The following PRMT8 variants were observed in gnomAD, a reference collection of about 807,000 sequenced individuals.
PRMT8 encodes the protein protein arginine methyltransferase 8.
A neutral mutation model predicts 47.1 loss-of-function variants in PRMT8; 7 were observed. The observed-to-expected ratio is 0.15, with a 90% CI of 0.08 to 0.28. PRMT8 has a LOEUF of 0.28. Ranked by LOEUF, PRMT8 falls within the 10% of genes least tolerant of loss-of-function variation. PRMT8 has a pLI of 1.00. For synonymous variants in PRMT8, 188 were observed against 186.5 expected (o/e 1.01, Z -0.07); for missense variants, 237 against 505.4 (o/e 0.47, Z 5.09).
chr12:3,388,899 C>T (rs1416598736), intron 1 of PRMT8, among the ~76,000 whole-genome samples: 4 of 152,194 alleles, frequency 2.6e-5, no homozygotes, highest in Admixed American at 6.5e-5. Flanking sequence ...AAGCCTGATG[C>T]GTGTCAGTCA....
chr12:3,508,144 G>T lies in PRMT8; in HGVS notation c.75+16444G>T, dbSNP rs1362952977. Among the ~76,000 whole-genome samples the T allele has an allele frequency of 1.3e-5, 2 of 151,534 alleles. No individual in the cohort carries two copies. Among genetic ancestry groups the T allele is most frequent in the Non-Finnish European group, 2.9e-5 (2 of 68,026 alleles). On this transcript the variant is annotated intron_variant, in intron 1 of 9. Coordinates refer to ENST00000382622, the MANE Select transcript of PRMT8 (RefSeq NM_019854.5). The surrounding 1 kb of genome is among the most constrained non-coding windows in gnomAD (Gnocchi z 4.9). The stretch of plus-strand genomic sequence containing the variant: ...CTTTTTCTTACTGTTACAACTTTAA[G>T]ATTTTTTTCTGCCCAGTTGTTGTTT...
At chr12:3,480,944 G>T (rs1234842975) in intron 1 of PRMT8, among the ~76,000 whole-genome samples, 1 of 152,236 alleles carries the variant, frequency 6.6e-6, no homozygotes, top group African/African-American at 2.4e-5. Context: ...AGGAAAGGCT[G>T]TTCCTCTGAG....
chr12:3,554,196 T>C (rs1030625152), intron 4 of PRMT8, among the ~76,000 whole-genome samples: 5 of 152,040 alleles, frequency 3.3e-5, no homozygotes, highest in African/African-American at 1.2e-4. Context: ...CTTTTGGGAG[T>C]GGGCCCTTCT....
chr12:3,395,126 C>A (rs1326355140), intron 1 of PRMT8, among the ~76,000 whole-genome samples: 3 of 148,456 alleles, frequency 2.0e-5, no homozygotes, highest in Non-Finnish European at 3.0e-5. Context: ...GTCTTGCTAG[C>A]GGTCTATCAA....
intron 1 of PRMT8, among the ~76,000 whole-genome samples, chr12:3,427,924 G>A (rs1255139317): frequency 1.3e-5 from 2 of 152,034 alleles, no homozygotes; most frequent in Non-Finnish European, 2.9e-5. Flanking sequence ...AAGATTAGAA[G>A]TTACTATAAT....
intron 4 of PRMT8, among the ~76,000 whole-genome samples, chr12:3,568,451 G>A (rs184311145): frequency 1.5e-4 from 23 of 152,346 alleles, no homozygotes; most frequent in African/African-American, 4.3e-4. Flanking sequence ...GAAGGATGAC[G>A]TGATACCACG....
chr12:3,551,146 A>G (rs1288259837), intron 3 of PRMT8: 2 of 133,928 alleles, frequency 1.5e-5, no homozygotes, highest in African/African-American at 5.5e-5. Flanking sequence ...TGCTGCCTCC[A>G]GAGGTCTGCT....
chr12:3,575,946 G>C (rs1168573716), intron 6 of PRMT8, among the ~76,000 whole-genome samples: 1 of 152,180 alleles, frequency 6.6e-6, no homozygotes, highest in Non-Finnish European at 1.5e-5. Context: ...TTGAGCCCAG[G>C]AGGCGGAGGT....
chr12:3,495,631 G>C (rs560283139), intron 1 of PRMT8, among the ~76,000 whole-genome samples: 2 of 152,264 alleles, frequency 1.3e-5, no homozygotes, highest in East Asian at 3.9e-4. Context: ...TTGGCTTTTT[G>C]TGTGTCTATT....
intron 1 of PRMT8, among the ~76,000 whole-genome samples, chr12:3,426,047 AG>A (rs1864600899): frequency 1.3e-5 from 2 of 152,218 alleles, no homozygotes; most frequent in East Asian, 3.9e-4. Context: ...CGCAGGGTGC[AG>A]GATTTCGGGA....
intron 7 of PRMT8, among the ~76,000 whole-genome samples, chr12:3,581,075 C>G (rs992771544): frequency 6.6e-6 from 1 of 152,170 alleles, no homozygotes; most frequent in Admixed American, 6.5e-5. Flanking sequence ...GACCTAAATG[C>G]AAGCTGAACC....
intron 2 of PRMT8, among the ~76,000 whole-genome samples, chr12:3,546,650 C>G (rs993100843): frequency 4.6e-5 from 7 of 152,058 alleles, no homozygotes; most frequent in Non-Finnish European, 8.8e-5. Context: ...CTAAAATAAC[C>G]CTTTCCTAAT....
chr12:3,577,529 C>T (rs1411210959), intron 7 of PRMT8, among the ~76,000 whole-genome samples: 3 of 152,244 alleles, frequency 2.0e-5, no homozygotes. Flanking sequence ...GAGCTTCCAG[C>T]TGCCCCTTCC....
chr12:3,593,284 C>CT lies in PRMT8; in HGVS notation c.*102_*103insT. 9.9e-7 allele frequency: 1 copy of CT among 1,013,622 alleles called. No homozygotes were observed. Among genetic ancestry groups the CT allele is most frequent in the Non-Finnish European group, 1.5e-6 (1 of 681,888 alleles). 62.8% of individuals were successfully genotyped at this position (1,013,622 alleles called of 1,614,324 possible). On this transcript the variant is annotated 3_prime_UTR_variant, in exon 10 of 10. Coordinates refer to ENST00000382622, the MANE Select transcript of PRMT8 (RefSeq NM_019854.5). This position sits in a 1 kb window ranked among gnomAD's most constrained non-coding sequence, Gnocchi z 4.8. ...GTTTGCAGGACTACACACTTGAAAA[C>CT]CAGAGTTTTCAACTCTGCCTTGAAG... is the stretch of plus-strand genomic sequence containing the variant.
At chr12:3,484,568 G>A (rs1387623425) in intron 1 of PRMT8, among the ~76,000 whole-genome samples, 1 of 152,256 alleles carries the variant, frequency 6.6e-6, no homozygotes, top group East Asian at 1.9e-4. Flanking sequence ...TGTGCCAGAT[G>A]CTTCATCTGC....
intron 1 of PRMT8, among the ~76,000 whole-genome samples, chr12:3,481,823 C>T (rs1271573003): frequency 1.3e-5 from 2 of 152,296 alleles, no homozygotes; most frequent in East Asian, 3.9e-4. Flanking sequence ...ACTTGAGCTC[C>T]TCTTAGATCC....
At chr12:3,511,625 C>T (rs747216020) in intron 1 of PRMT8, among the ~76,000 whole-genome samples, 1 of 152,180 alleles carries the variant, frequency 6.6e-6, no homozygotes, top group Non-Finnish European at 1.5e-5. Flanking sequence ...ACAGGAGAGA[C>T]TGTGAGGGGC....
chr12:3,412,621 C>T (rs906981966), intron 1 of PRMT8, among the ~76,000 whole-genome samples: 4 of 152,056 alleles, frequency 2.6e-5, no homozygotes, highest in Admixed American at 6.5e-5. Flanking sequence ...AATTCTCTCT[C>T]TTTTTTTTAC....
intron 1 of PRMT8, among the ~76,000 whole-genome samples, chr12:3,472,590 T>C (rs569530924): frequency 6.6e-6 from 1 of 152,314 alleles, no homozygotes; most frequent in Non-Finnish European, 1.5e-5. Flanking sequence ...TTAGAAGTTC[T>C]TTGGGAAGTC....
Sources: allele counts gnomAD v4.1 joint callset (sites outside exome capture counted in the v4.1 genomes callset), GRCh38; gene constraint gnomAD v4.1.1; non-coding constraint Gnocchi (gnomAD v3.1); transcripts MANE v1.5; gene names NCBI Gene and HGNC (gene_info 2026-07-23, HGNC 2026-07-21).